CCDC171: variants seen among roughly 807,000 people sequenced by gnomAD.
CCDC171 encodes coiled-coil domain-containing protein 171.
Under a neutral mutation model 168.2 loss-of-function variants are expected in CCDC171, and 177 were observed. The observed-to-expected ratio is 1.05, with a 90% CI of 0.93 to 1.19. The LOEUF (loss-of-function observed/expected upper bound fraction) is 1.19, where lower values mean the gene tolerates loss of function less well. Among genes scored for constraint, CCDC171 ranks in the 50% most tolerant of loss-of-function variants. The pLI is 0.00. For synonymous variants in CCDC171, 687 were observed against 540.8 expected (o/e 1.27, Z -3.75); for missense variants, 1,991 against 1,539.0 (o/e 1.29, Z -4.91).
At chr9:15,829,265 G>A (rs9407654) in intron 21 of CCDC171, among the ~76,000 whole-genome samples, 65,992 of 151,920 alleles carry the variant, frequency 0.43, 14,518 homozygotes, top group Non-Finnish European at 0.46. Context: ...TGGATGGGAA[G>A]GGAAAGTAGT....
chr9:16,086,339 G>T, the CCDC171 span, among the ~76,000 whole-genome samples: 1 of 145,342 alleles, frequency 6.9e-6, no homozygotes, highest in Admixed American at 6.9e-5. Context: ...ATGGGGTCTT[G>T]CTCTGTTGAT....
At chr9:15,615,412 A>C (rs1251300317) in intron 6 of CCDC171, among the ~76,000 whole-genome samples, 1 of 152,168 alleles carries the variant, frequency 6.6e-6, no homozygotes, top group Non-Finnish European at 1.5e-5. Context: ...ATTTATATTC[A>C]TATCCAAGAA....
At chr9:15,788,179 A>G (rs1038992713) in intron 21 of CCDC171, among the ~76,000 whole-genome samples, 1 of 152,178 alleles carries the variant, frequency 6.6e-6, no homozygotes, top group African/African-American at 2.4e-5. Context: ...TGGGAAAAGC[A>G]CTGGCCTTGG....
intron 21 of CCDC171, among the ~76,000 whole-genome samples, chr9:15,801,041 A>C (rs1012278344): frequency 6.6e-6 from 1 of 151,988 alleles, no homozygotes; most frequent in Admixed American, 6.6e-5. Context: ...AAGACAGGTA[A>C]TAGGATTCCT....
chr9:15,634,487 C>A lies in CCDC171; in HGVS notation c.822+11074C>A, dbSNP rs141664126. Among the ~76,000 whole-genome samples, 505 of 152,212 alleles carry A rather than the reference C, an allele frequency of 3.3e-3. 1 individual carries two copies. The highest frequency in any genetic ancestry group is 0.012 in the African/African-American group (487 of 41,526). On this transcript the variant is annotated intron_variant, in intron 7 of 25. Coordinates refer to ENST00000380701, the MANE Select transcript of CCDC171 (RefSeq NM_173550.4). ...TGGTGCACCCCTCTTCCTCTCTCTCCATGTGTATTTCTGTGTTCAGCTTCT... is the reference window on the plus strand; with the variant it reads ...TGGTGCACCCCTCTTCCTCTCTCTCAATGTGTATTTCTGTGTTCAGCTTCT...
At chr9:15,698,107 A>G (rs2051359439) in intron 11 of CCDC171, among the ~76,000 whole-genome samples, 1 of 152,160 alleles carries the variant, frequency 6.6e-6, no homozygotes, top group Non-Finnish European at 1.5e-5. Flanking sequence ...TATTTCTTCT[A>G]ACTATATGTT....
At position 15,800,992 on chromosome 9, in the gene CCDC171, A is replaced by G. The variant is rs2058795015; in HGVS notation, c.3267+16298A>G. 2.0e-5 allele frequency among the ~76,000 whole-genome samples: 3 copies of G among 152,082 alleles called. No individual in the cohort carries two copies. In the South Asian group the frequency reaches 6.2e-4, roughly 31 times the overall value. ...CTGTGTCTGTTTTTATGCCAGTACC[A>G]TGCTGTTTTGGTTGCTGTAAATTCT... On this transcript the variant is annotated intron_variant, in intron 21 of 25. Transcript: ENST00000380701.
intron 3 of CCDC171, 37 bp from the exon 4 acceptor site, chr9:15,578,812 C>T (rs1233492490): frequency 3.1e-5 from 48 of 1,565,142 alleles, no homozygotes; most frequent in Non-Finnish European, 4.0e-5. Context: ...ATCTCATAAT[C>T]TTTGGACACA....
At chr9:16,046,241 A>C (rs1000926143) in intron 1 of CCDC171, among the ~76,000 whole-genome samples, 1 of 152,144 alleles carries the variant, frequency 6.6e-6, no homozygotes, top group Non-Finnish European at 1.5e-5. Flanking sequence ...TGCTGAAGAA[A>C]CCAATCGAGA....
rs1039740519 is a variant in CCDC171, at chr9:15,781,112, C to G, written c.3081+1962C>G. Reference sequence around the variant, plus strand: ...GGCTTTTGTAAAAACTGGAAAATTCCTTACATATGTTGCTCCCTGGAATAT... The same window carrying G: ...GGCTTTTGTAAAAACTGGAAAATTCGTTACATATGTTGCTCCCTGGAATAT... On this transcript the variant is annotated intron_variant, in intron 20 of 25. Transcript: ENST00000380701. Among the ~76,000 whole-genome samples the G allele has an allele frequency of 6.6e-5, 10 of 152,112 alleles. 1 individual carries two copies. Among genetic ancestry groups the G allele is most frequent in the Non-Finnish European group, 1.0e-4 (7 of 68,020 alleles).
chr9:16,099,269 T>TG, the CCDC171 span, among the ~76,000 whole-genome samples: 1 of 152,166 alleles, frequency 6.6e-6, no homozygotes, highest in Admixed American at 6.5e-5. Context: ...TCTGTGCCAT[T>TG]GGGGTGCACC....
chr9:15,762,415 G>C lies in CCDC171; in HGVS notation c.2672-15185G>C, dbSNP rs186582918. On this transcript the variant is annotated intron_variant, in intron 18 of 25. Transcript: ENST00000380701. The stretch of plus-strand genomic sequence containing the variant: ...AAAGGAGCAAATTCAAGCCAGGAAT[G>C]ACATTGAAAAAGTCAACTATGGTAG... Among the ~76,000 whole-genome samples, 71 of 152,246 alleles carry C rather than the reference G, an allele frequency of 4.7e-4. No homozygotes were observed. The East Asian group carries it at 5.4e-3, about 12-fold the overall frequency.
intron 21 of CCDC171, among the ~76,000 whole-genome samples, chr9:15,789,747 C>T (rs1337104112): frequency 7.6e-6 from 1 of 130,992 alleles, no homozygotes; most frequent in Non-Finnish European, 1.6e-5. Flanking sequence ...GCTATACCTT[C>T]CCCCTCCCCC....
chr9:15,998,748 A>G (rs1832444829), intron 3 of CCDC171, among the ~76,000 whole-genome samples: 1 of 152,204 alleles, frequency 6.6e-6, no homozygotes, highest in Middle Eastern at 3.4e-3. Context: ...AAATTATGTG[A>G]CTAAATGACT....
At chr9:15,925,224 G>C (rs1316010513) in intron 25 of CCDC171, among the ~76,000 whole-genome samples, 1 of 151,560 alleles carries the variant, frequency 6.6e-6, no homozygotes, top group East Asian at 1.9e-4. Context: ...AAACAATGGG[G>C]CTGTCCTAGA....
At chr9:15,799,165 T>TATATATATATATATATATAC (rs1323969229) in intron 21 of CCDC171, among the ~76,000 whole-genome samples, 6 of 141,170 alleles carry the variant, frequency 4.3e-5, no homozygotes, top group African/African-American at 1.6e-4. Context: ...TATATATATA[T>TATATATATATATATATATAC]ACCATTTTGA....
chr9:15,637,595 A>G (rs914945589), intron 7 of CCDC171, among the ~76,000 whole-genome samples: 5 of 146,870 alleles, frequency 3.4e-5, no homozygotes, highest in African/African-American at 5.0e-5. Context: ...CATTAGGTGT[A>G]TCTCCTCATG....
the CCDC171 span, among the ~76,000 whole-genome samples, chr9:16,079,525 G>C: frequency 6.6e-6 from 1 of 152,224 alleles, no homozygotes; most frequent in African/African-American, 2.4e-5. Context: ...AAAGATTGGA[G>C]TGAGTTGGAT....
At chr9:15,951,002 C>T (rs1188442043) in intron 25 of CCDC171, among the ~76,000 whole-genome samples, 1 of 150,514 alleles carries the variant, frequency 6.6e-6, no homozygotes, top group Non-Finnish European at 1.5e-5. Context: ...GACTTTAAAC[C>T]AACAAAGATC....
Sources: allele counts gnomAD v4.1 joint callset (sites outside exome capture counted in the v4.1 genomes callset), GRCh38; gene constraint gnomAD v4.1.1; transcripts MANE v1.5; gene names NCBI Gene and HGNC (gene_info 2026-07-23, HGNC 2026-07-21).